SPEN: variants seen among roughly 807,000 people sequenced by gnomAD.
The protein encoded by SPEN is msx2-interacting protein.
A neutral mutation model predicts 269.9 loss-of-function variants in SPEN; 18 were observed. The observed-to-expected ratio is 0.07, with a 90% confidence interval of 0.05 to 0.10. The LOEUF is 0.10. Ranked by LOEUF, SPEN falls within the 10% of genes least tolerant of loss-of-function variation. SPEN has a pLI of 1.00. For synonymous variants in SPEN, 1,726 were observed against 1,765.7 expected (o/e 0.98, Z 0.56); for missense variants, 3,822 against 4,631.2 (o/e 0.83, Z 5.07).
chr1:15,919,166 C>A, intron 7 of SPEN, 115 bp downstream of exon 7: 1 of 898,714 alleles, frequency 1.1e-6, no homozygotes, highest in Non-Finnish European at 1.7e-6. Context: ...AGACAGATAA[C>A]CATAAAAGTG....
chr1:15,938,396 C>T (rs1273082084), intron 13 of SPEN, among the ~76,000 whole-genome samples: 2 of 152,052 alleles, frequency 1.3e-5, no homozygotes, highest in African/African-American at 4.8e-5. Context: ...GATTACAGGC[C>T]TGAGCCACTG....
chr1:15,933,124 C>T lies in SPEN; in HGVS notation c.6884C>T (p.Pro2295Leu). Residue 2295 changes from proline to leucine, a missense_variant, in exon 11 of 15, where the codon CCA (proline) becomes CTA (leucine). This residue lies in a region of SPEN where 727 missense variants were observed against 737.9 expected (regional missense o/e 0.99). Coordinates refer to ENST00000375759, the MANE Select transcript of SPEN (RefSeq NM_015001.3). The surrounding 1 kb of genome is among the most constrained non-coding windows in gnomAD (Gnocchi z 5.7). Reference sequence around the variant, plus strand: ...AATGCTCCTGACCCCTCAGCCGGCCCAACAGATACCAAGGAAGCCAGAGGA... The same window carrying T: ...AATGCTCCTGACCCCTCAGCCGGCCTAACAGATACCAAGGAAGCCAGAGGA... ...PVNAPDPSAG[P>L]TDTKEARGNS... 1 of 1,614,170 alleles carries T rather than the reference C, an allele frequency of 6.2e-7. No homozygotes were observed. The highest frequency in any genetic ancestry group is 8.5e-7 in the Non-Finnish European group (1 of 1,180,036).
chr1:15,916,074 A>T, intron 5 of SPEN, 54 bp from the exon 6 acceptor site: 1 of 1,546,550 alleles, frequency 6.5e-7, no homozygotes, highest in Admixed American at 2.2e-5. Context: ...TGATATATAA[A>T]TATGCATTAA....
Position 15,848,039 on chromosome 1 carries a change from C to A in SPEN, c.-29C>A. The A allele has an allele frequency of 7.2e-7, 1 of 1,383,706 alleles. No individual in the cohort carries two copies. The highest frequency in any genetic ancestry group is 1.9e-4 in the Middle Eastern group (1 of 5,276). 85.7% of individuals were successfully genotyped at this position (1,383,706 alleles called of 1,614,324 possible). On this transcript the variant is annotated 5_prime_UTR_variant, in exon 1 of 15. Transcript: ENST00000375759. This position sits in a 1 kb window ranked among gnomAD's most constrained non-coding sequence, Gnocchi z 5.1. ...TACGAAGCCGGCGAGGGGGAGCCAG[C>A]AGCGGCGGTCGCCGGCACGCCGCCC...
Position 15,932,670 on chromosome 1 carries a change from C to A in SPEN, c.6430C>A (p.Pro2144Thr), listed in dbSNP as rs909794356. ...CCAGTTGAAAAGTGATCCAGTTGAT[C>A]CAGACAAGGAACCAGAGAAAGAAGA... The part of the protein sequence containing the change: ...SSQLKSDPVD[P>T]DKEPEKEDVS... The change falls in exon 11 of 15, where the codon CCA becomes ACA. Residue 2144 changes from proline (P) to threonine (T), a missense_variant. Around this residue, in one of 16 missense-constraint regions of SPEN, gnomAD observed 727 missense variants for 737.9 expected, o/e 0.99. Coordinates refer to ENST00000375759, the MANE Select transcript of SPEN (RefSeq NM_015001.3). The surrounding 1 kb of genome is among the most constrained non-coding windows in gnomAD (Gnocchi z 4.2). 2 of 1,613,930 alleles carry A rather than the reference C, an allele frequency of 1.2e-6. No individual in the cohort carries two copies. Among genetic ancestry groups the A allele is most frequent in the African/African-American group, 1.3e-5 (1 of 74,998 alleles).
intron 3 of SPEN, among the ~76,000 whole-genome samples, chr1:15,888,117 C>CT (rs1024122136): frequency 2.7e-5 from 4 of 148,976 alleles, no homozygotes; most frequent in South Asian, 2.1e-4. Context: ...ATTTATTTGT[C>CT]TTTTTTTTTG....
intron 1 of SPEN, among the ~76,000 whole-genome samples, chr1:15,861,685 C>T (rs2070450701): frequency 6.6e-6 from 1 of 151,730 alleles, no homozygotes; most frequent in Admixed American, 6.6e-5. Context: ...GCTGTGTTTC[C>T]AGGCTGGTCT....
intron 3 of SPEN, among the ~76,000 whole-genome samples, chr1:15,878,150 A>T (rs940624469): frequency 6.6e-6 from 1 of 152,176 alleles, no homozygotes; most frequent in African/African-American, 2.4e-5. Context: ...GTTAAAAAAA[A>T]TGCTGCTATT....
chr1:15,850,085 A>C (rs1265338689), intron 1 of SPEN, among the ~76,000 whole-genome samples: 1 of 152,120 alleles, frequency 6.6e-6, no homozygotes. Context: ...AAGGGTTCTT[A>C]GTGGACGGTG....
In SPEN at chr1:15,847,728, A is replaced by G. The variant is rs1214994907; in HGVS notation, c.-340A>G. The G allele has an allele frequency of 6.1e-6, 1 of 162,736 alleles. No homozygotes were observed. The highest frequency in any genetic ancestry group is 1.3e-5 in the Non-Finnish European group (1 of 75,062). 10.1% of individuals were successfully genotyped at this position (162,736 alleles called of 1,614,324 possible). A position where few individuals can be genotyped will look rare whatever the true frequency, so the allele number is the denominator to read the frequency against. ...CGCCAGTGGGAAGCGTCCGGCTGCCACAGCGCCAGCTCCGTCGTAGTCGCT... is the reference window on the plus strand; with the variant it reads ...CGCCAGTGGGAAGCGTCCGGCTGCCGCAGCGCCAGCTCCGTCGTAGTCGCT... On this transcript the variant is annotated 5_prime_UTR_variant, in exon 1 of 15. Transcript: ENST00000375759.
Position 15,933,531 on chromosome 1 carries a change from C to G in SPEN, c.7291C>G (p.Leu2431Val). Residue 2431 changes from leucine (L) to valine (V), a missense_variant, in exon 11 of 15, where the codon CTT becomes GTT. This residue lies in a region of SPEN where 727 missense variants were observed against 737.9 expected (regional missense o/e 0.99). Transcript: ENST00000375759. This position sits in a 1 kb window ranked among gnomAD's most constrained non-coding sequence, Gnocchi z 5.7. ...AACCAAAGCATCTGTGCCCCCAGAC[C>G]TTCCCCCACCTCCCCAGCCAGCACC... ...TPTKASVPPD[L>V]PPPPQPAPVD... 6.2e-7 allele frequency: 1 copy of G among 1,613,968 alleles called. No individual in the cohort carries two copies. Among genetic ancestry groups the G allele is most frequent in the Non-Finnish European group, 8.5e-7 (1 of 1,179,948 alleles).
chr1:15,930,367 G>T lies in SPEN; in HGVS notation c.4127G>T (p.Gly1376Val). ...RKRSVRDLEP[G>V]EVPSDSDEDG... ...AGGTCTGTACGAGATCTGGAACCTGGTGAGGTGCCTTCTGATTCTGACGAA... is the reference window on the plus strand; with the variant it reads ...AGGTCTGTACGAGATCTGGAACCTGTTGAGGTGCCTTCTGATTCTGACGAA... The change falls in exon 11 of 15, where the codon GGT (glycine) becomes GTT (valine). Residue 1376 changes from glycine to valine, a missense_variant. Coordinates refer to ENST00000375759, the MANE Select transcript of SPEN (RefSeq NM_015001.3). This position sits in a 1 kb window ranked among gnomAD's most constrained non-coding sequence, Gnocchi z 5.3. 6.2e-7 allele frequency: 1 copy of T among 1,613,392 alleles called. No homozygotes were observed. Among genetic ancestry groups the T allele is most frequent in the South Asian group, 1.1e-5 (1 of 91,046 alleles).
chr1:15,876,971 C>T (rs1373591072), intron 3 of SPEN, among the ~76,000 whole-genome samples: 2 of 152,148 alleles, frequency 1.3e-5, no homozygotes, highest in East Asian at 3.8e-4. Flanking sequence ...TCTTGTGACA[C>T]TGAAAATATG....
chr1:15,936,284 C>T lies in SPEN; in HGVS notation c.10026+18C>T. On this transcript the variant is annotated intron_variant, in intron 11 of 14. Transcript: ENST00000375759. Reference sequence around the variant, plus strand: ...CTGCTCAGGTGAGCCAGCCAGGTATCTCCCCACTGTCTGTTGGGCATGTGC... The same window carrying T: ...CTGCTCAGGTGAGCCAGCCAGGTATTTCCCCACTGTCTGTTGGGCATGTGC... 6.6e-7 allele frequency: 1 copy of T among 1,526,262 alleles called. No individual in the cohort carries two copies. The highest frequency in any genetic ancestry group is 2.3e-5 in the East Asian group (1 of 43,798). The allele number at this position is 1,526,262 out of a possible 1,614,324, so 94.5% of individuals were successfully genotyped here.
At chr1:15,936,428 C>T (rs1230000337) in intron 11 of SPEN, among the ~76,000 whole-genome samples, 162 bp downstream of exon 11, 1 of 151,596 alleles carries the variant, frequency 6.6e-6, no homozygotes, top group Non-Finnish European at 1.5e-5. Flanking sequence ...ACTGCTTAAG[C>T]CCGGGAGTTC....
At chr1:15,926,725 C>T (rs1199600995) in intron 10 of SPEN, among the ~76,000 whole-genome samples, 1 of 148,448 alleles carries the variant, frequency 6.7e-6, no homozygotes, top group Non-Finnish European at 1.5e-5. Flanking sequence ...TGGAGTCTCG[C>T]TGTGTCGCCC....
chr1:15,868,528 G>A lies in SPEN; in HGVS notation c.84-4288G>A, dbSNP rs1190735519. Among the ~76,000 whole-genome samples, 6 of 151,066 alleles carry A rather than the reference G, an allele frequency of 4.0e-5. No homozygotes were observed. In the South Asian group the frequency reaches 8.4e-4, roughly 21 times the overall value. ...TGGCTCACTGCAAGCTCCGCCTCCC[G>A]GGTTCACGCCATTCTCCTGCCTCAG... On this transcript the variant is annotated intron_variant, in intron 1 of 14. Coordinates refer to ENST00000375759, the MANE Select transcript of SPEN (RefSeq NM_015001.3).
In SPEN at chr1:15,873,089, A is replaced by T; in HGVS notation, c.357A>T (p.Pro119=). 1 of 1,614,098 alleles carries T rather than the reference A, an allele frequency of 6.2e-7. No individual in the cohort carries two copies. The highest frequency in any genetic ancestry group is 8.5e-7 in the Non-Finnish European group (1 of 1,179,996). The change falls in exon 2 of 15, where the codon CCA becomes CCT. Residue 119 remains proline (P), a synonymous_variant. Transcript: ENST00000375759. Reference sequence around the variant, plus strand: ...GTGGAGGGCCTGCTTATGGTCCCCCACCGTCACTTCATGCACGAGAAGGAC... The same window carrying T: ...GTGGAGGGCCTGCTTATGGTCCCCCTCCGTCACTTCATGCACGAGAAGGAC... ...GGGGGPAYGP[P]PSLHAREGRY...
At chr1:15,873,568 A>C (rs1166963999) in intron 2 of SPEN, 7 of 994,652 alleles carry the variant, frequency 7.0e-6, no homozygotes, top group Non-Finnish European at 7.2e-6. Context: ...CTGCCTCTCC[A>C]TTTTCACTAC....
Sources: allele counts gnomAD v4.1 joint callset (sites outside exome capture counted in the v4.1 genomes callset), GRCh38; gene constraint gnomAD v4.1.1; regional missense constraint gnomAD v4.1.1; non-coding constraint Gnocchi (gnomAD v3.1); transcripts MANE v1.5; gene names NCBI Gene and HGNC (gene_info 2026-07-23, HGNC 2026-07-21).